STK39: variants seen among roughly 807,000 people sequenced by gnomAD.
STK39 encodes the protein STE20/SPS1-related proline-alanine-rich protein kinase.
A neutral mutation model predicts 77.8 loss-of-function variants in STK39; 20 were observed. The ratio of observed to expected loss-of-function variants is 0.26; its 90% CI spans 0.18 to 0.37. The LOEUF (loss-of-function observed/expected upper bound fraction) is 0.37. STK39 is among the 10% of genes least tolerant of loss of function. The pLI is 1.00. For missense variants in STK39, 479 were observed against 656.5 expected (o/e 0.73, Z 2.95); for synonymous variants, 246 against 234.1 (o/e 1.05, Z -0.47).
chr2:168,087,372 T>C (rs1206475703), intron 10 of STK39, among the ~76,000 whole-genome samples: 1 of 152,228 alleles, frequency 6.6e-6, no homozygotes, highest in Non-Finnish European at 1.5e-5. Context: ...GTGCCCACAG[T>C]TACTCCCTCC....
At chr2:168,228,698 G>A (rs968739514) in intron 1 of STK39, among the ~76,000 whole-genome samples, 12 of 152,154 alleles carry the variant, frequency 7.9e-5, no homozygotes, top group Non-Finnish European at 1.6e-4. Flanking sequence ...GCTGAGGCAG[G>A]AGAATCACTT....
At chr2:168,094,842 T>C (rs750404458) in intron 10 of STK39, among the ~76,000 whole-genome samples, 1 of 152,052 alleles carries the variant, frequency 6.6e-6, no homozygotes, top group African/African-American at 2.4e-5. Flanking sequence ...CTCAAATGCG[T>C]CCTAATGAAC....
chr2:168,146,964 G>A (rs1307848554), intron 5 of STK39, among the ~76,000 whole-genome samples: 2 of 152,214 alleles, frequency 1.3e-5, no homozygotes, highest in East Asian at 1.9e-4. Context: ...GCAAGTTATC[G>A]AAGGTCTGAA....
At chr2:168,213,324 C>T (rs567367146) in intron 1 of STK39, among the ~76,000 whole-genome samples, 1 of 152,254 alleles carries the variant, frequency 6.6e-6, no homozygotes, top group East Asian at 1.9e-4. Flanking sequence ...TAGGGTAAAA[C>T]ATGAAAATAG....
chr2:168,041,119 G>A (rs1312923030), intron 14 of STK39, among the ~76,000 whole-genome samples: 1 of 152,152 alleles, frequency 6.6e-6, no homozygotes, highest in Non-Finnish European at 1.5e-5. Flanking sequence ...CTCAGCAGGT[G>A]TGTCCAGGAG....
chr2:168,062,124 G>A (rs1379433427), intron 14 of STK39, among the ~76,000 whole-genome samples: 1 of 152,154 alleles, frequency 6.6e-6, no homozygotes, highest in Admixed American at 6.5e-5. Flanking sequence ...TATATAAAGT[G>A]GGCGATTAGA....
chr2:168,043,505 C>G (rs555745968), intron 14 of STK39, among the ~76,000 whole-genome samples: 1 of 152,368 alleles, frequency 6.6e-6, no homozygotes, highest in East Asian at 1.9e-4. Flanking sequence ...CATGTTGCAG[C>G]TGCTTCTAAA....
At chr2:167,995,867 C>T (rs938477994) in intron 16 of STK39, among the ~76,000 whole-genome samples, 1 of 152,196 alleles carries the variant, frequency 6.6e-6, no homozygotes, top group Non-Finnish European at 1.5e-5. Context: ...ACCTCTCCTT[C>T]CCAGCCCTTT....
At chr2:168,242,711 C>A (rs1250051236) in intron 1 of STK39, among the ~76,000 whole-genome samples, 1 of 149,032 alleles carries the variant, frequency 6.7e-6, no homozygotes, top group Non-Finnish European at 1.5e-5. Context: ...AGTGAGACCC[C>A]CATTTCTTAA....
At chr2:168,097,113 ACAAT>A (rs1686691024) in intron 10 of STK39, among the ~76,000 whole-genome samples, 1 of 152,214 alleles carries the variant, frequency 6.6e-6, no homozygotes, top group Non-Finnish European at 1.5e-5. Context: ...ACACTCTGAA[ACAAT>A]TCAGGCAATA....
At chr2:168,132,913 T>A (rs2105513420) in intron 8 of STK39, among the ~76,000 whole-genome samples, 1 of 152,326 alleles carries the variant, frequency 6.6e-6, no homozygotes, top group African/African-American at 2.4e-5. Flanking sequence ...GTGATGCTGC[T>A]ACACATTTGG....
chr2:168,138,372 A>G (rs995608548), intron 7 of STK39, 151 bp from the exon 8 acceptor site: 29 of 1,087,928 alleles, frequency 2.7e-5, no homozygotes, highest in Non-Finnish European at 3.7e-5. Flanking sequence ...GTGTATTTAA[A>G]GTATTCATTA....
At chr2:168,067,526 T>A (rs1182696824) in intron 12 of STK39, among the ~76,000 whole-genome samples, 1 of 152,190 alleles carries the variant, frequency 6.6e-6, no homozygotes, top group Non-Finnish European at 1.5e-5. Flanking sequence ...TTATACAGCC[T>A]GCAGAACCGT....
chr2:168,240,115 G>A (rs1690722806), intron 1 of STK39, among the ~76,000 whole-genome samples: 1 of 152,228 alleles, frequency 6.6e-6, no homozygotes. Flanking sequence ...TTGGAATGGT[G>A]TTCCAAGCAG....
intron 1 of STK39, among the ~76,000 whole-genome samples, chr2:168,207,755 T>C (rs1689778491): frequency 6.7e-6 from 1 of 150,278 alleles, no homozygotes; most frequent in South Asian, 2.1e-4. Context: ...ACCGTGTCTG[T>C]TGTTTTTGCA....
At position 167,984,273 on chromosome 2, in the gene STK39, G is replaced by C. The variant is rs1683502162; in HGVS notation, c.1499-19547C>G. Reference sequence around the variant, plus strand: ...ACAAATGATTACAACATATTCTCATGAGTGCTGTTGGAGGGGCAGGAACAA... The same window carrying C: ...ACAAATGATTACAACATATTCTCATCAGTGCTGTTGGAGGGGCAGGAACAA... On this transcript the variant is annotated intron_variant, in intron 16 of 17. Transcript: ENST00000355999. Among the ~76,000 whole-genome samples, 4 of 152,262 alleles carry C rather than the reference G, an allele frequency of 2.6e-5. No individual in the cohort carries two copies. The South Asian group carries it at 8.3e-4, about 32-fold the overall frequency.
chr2:167,962,414 C>A (rs562556196), intron 17 of STK39, among the ~76,000 whole-genome samples: 1 of 152,272 alleles, frequency 6.6e-6, no homozygotes, highest in East Asian at 1.9e-4. Context: ...CTGATACCAA[C>A]AAAGAAACCC....
chr2:168,044,226 A>T (rs897261133), intron 14 of STK39, among the ~76,000 whole-genome samples: 3 of 152,232 alleles, frequency 2.0e-5, no homozygotes, highest in Non-Finnish European at 4.4e-5. Flanking sequence ...TCACTTTAAC[A>T]GCAGAGATAA....
At chr2:168,235,333 C>T (rs1209516550) in intron 1 of STK39, among the ~76,000 whole-genome samples, 6 of 152,054 alleles carry the variant, frequency 3.9e-5, no homozygotes, top group East Asian at 1.9e-4. Context: ...TGAGCCACCA[C>T]GGCCGGCCCG....
Sources: allele counts gnomAD v4.1 joint callset (sites outside exome capture counted in the v4.1 genomes callset), GRCh38; gene constraint gnomAD v4.1.1; transcripts MANE v1.5; gene names NCBI Gene and HGNC (gene_info 2026-07-23, HGNC 2026-07-21).